The following ERMARD variants were observed in gnomAD, a reference collection of about 807,000 sequenced individuals.
ERMARD encodes ER membrane associated RNA degradation.
A neutral mutation model predicts 83.9 loss-of-function variants in ERMARD; 71 were observed. The observed-to-expected ratio is 0.85, with a 90% CI of 0.70 to 1.03. The LOEUF is 1.03. Ranked by LOEUF, ERMARD falls within the 50% of genes least tolerant of loss-of-function variation. ERMARD has a pLI of 0.00. For synonymous variants in ERMARD, 284 were observed against 298.6 expected (o/e 0.95, Z 0.50); for missense variants, 838 against 810.9 (o/e 1.03, Z -0.41).
Position 169,756,344 on chromosome 6 carries a change from C to T in ERMARD, c.322C>T (p.Pro108Ser). The T allele has an allele frequency of 6.3e-7, 1 of 1,593,808 alleles. No homozygotes were observed. The highest frequency in any genetic ancestry group is 8.6e-7 in the Non-Finnish European group (1 of 1,166,364). Residue 108 changes from proline to serine, a missense_variant, in exon 4 of 18, where the codon CCT becomes TCT. Physicochemically the swap from Pro to Ser is moderately conservative, Grantham distance 74. Transcript: ENST00000366773. The stretch of plus-strand genomic sequence containing the variant: ...TGTGTTTTATTGTAAATAGTTATTT[C>T]CTGAAATATTTGATGCCTTGGAAAG... The part of the protein sequence containing the change: ...FQWTSFPELF[P>S]EIFDALESLQ...
chr6:169,756,937 C>T, intron 5 of ERMARD, 129 bp downstream of exon 5: 2 of 791,566 alleles, frequency 2.5e-6, no homozygotes, highest in Non-Finnish European at 4.1e-6. Context: ...GAGGAGGCCT[C>T]AGAATCATGG....
Position 169,755,283 on chromosome 6 carries a change from A to T in ERMARD, c.176A>T (p.Glu59Val). 6.2e-7 allele frequency: 1 copy of T among 1,613,644 alleles called. No individual in the cohort carries two copies. The highest frequency in any genetic ancestry group is 1.7e-5 in the Admixed American group (1 of 59,888). ...ITDCVSYTESEQGLDYWGSVR... is the reference protein window; with the variant it reads ...ITDCVSYTESVQGLDYWGSVR... ...GAAATTTGTTTTCTTATCCTTTAAGAGCAGGGTCTGGATTACTGGGGAAGC... is the reference window on the plus strand; with the variant it reads ...GAAATTTGTTTTCTTATCCTTTAAGTGCAGGGTCTGGATTACTGGGGAAGC... The change falls in exon 3 of 18, where the codon GAG becomes GTG. Residue 59 changes from glutamate (E) to valine (V), a missense_variant and splice_region_variant. By Grantham distance (121) the Glu-to-Val change is moderately radical. Coordinates refer to ENST00000366773, the MANE Select transcript of ERMARD (RefSeq NM_018341.3).
intron 9 of ERMARD, among the ~76,000 whole-genome samples, chr6:169,764,955 G>A (rs553298981): frequency 2.1e-4 from 32 of 152,304 alleles, no homozygotes; most frequent in Admixed American, 1.4e-3. Context: ...TGCCTTACTC[G>A]TGTGCATTTC....
At chr6:169,777,092 T>C (rs1793695279) in intron 16 of ERMARD, among the ~76,000 whole-genome samples, 2 of 152,192 alleles carry the variant, frequency 1.3e-5, no homozygotes, top group South Asian at 2.1e-4. Context: ...TTGCATTGTT[T>C]TGAGTCTTTG....
chr6:169,773,404 T>TA lies in ERMARD; in HGVS notation c.1317+3dup. Reference sequence around the variant, plus strand: ...CCGGTTTTTCAGCTTAAAAAACAGGTATGCCAAATGCAGGGTCCCGGGAGG... The same window carrying TA: ...CCGGTTTTTCAGCTTAAAAAACAGGTAATGCCAAATGCAGGGTCCCGGGAGG... On this transcript the variant is annotated splice_region_variant and intron_variant, in intron 13 of 17. Transcript: ENST00000366773. 1 of 1,614,094 alleles carries TA rather than the reference T, an allele frequency of 6.2e-7. No individual in the cohort carries two copies. The highest frequency in any genetic ancestry group is 8.5e-7 in the Non-Finnish European group (1 of 1,179,972).
chr6:169,751,666 A>G lies in ERMARD; in HGVS notation c.6+3A>G. On this transcript the variant is annotated splice_donor_region_variant and intron_variant, in intron 1 of 17. Transcript: ENST00000366773. Reference sequence around the variant, plus strand: ...GCGGGGCACCGGAAGTTATGGAGGTAGGGCGGGTGTAGGGCCCGGTTCGAT... The same window carrying G: ...GCGGGGCACCGGAAGTTATGGAGGTGGGGCGGGTGTAGGGCCCGGTTCGAT... The G allele has an allele frequency of 1.3e-6, 2 of 1,557,888 alleles. No individual in the cohort carries two copies. Among genetic ancestry groups the G allele is most frequent in the Non-Finnish European group, 1.7e-6 (2 of 1,150,972 alleles).
rs781250225 is a variant in ERMARD, at chr6:169,775,347, G to C, written c.1394+1G>C. The stretch of plus-strand genomic sequence containing the variant: ...AAGAACTCACTCGGCAAGCCGTCAG[G>C]TGCGTGGCATCCTGGGGCCTGGCTG... On this transcript the variant is annotated splice_donor_variant, in intron 14 of 17. Transcript: ENST00000366773. LOFTEE classifies it high-confidence loss of function. The C allele has an allele frequency of 5.0e-6, 8 of 1,614,060 alleles. No homozygotes were observed. Among genetic ancestry groups the C allele is most frequent in the Admixed American group, 1.7e-5 (1 of 60,028 alleles).
intron 10 of ERMARD, chr6:169,766,988 C>G (rs544085672): frequency 3.9e-6 from 1 of 255,082 alleles, no homozygotes; most frequent in Non-Finnish European, 7.4e-6. Context: ...AAATATTCCC[C>G]GCTACTGTTA....
intron 2 of ERMARD, 85 bp from the exon 3 acceptor site, chr6:169,755,194 TTAAA>T (rs1254238037): frequency 6.8e-6 from 10 of 1,462,406 alleles, no homozygotes; most frequent in African/African-American, 1.4e-5. Context: ...AATTTTATAA[TTAAA>T]GCATTTTTTT....
chr6:169,779,114 T>C, intron 16 of ERMARD, 68 bp from the exon 17 acceptor site: 1 of 1,348,322 alleles, frequency 7.4e-7, no homozygotes, highest in Non-Finnish European at 1.1e-6. Flanking sequence ...GTGAAACATC[T>C]TTTTCCTGAT....
rs1387674710 is a variant in ERMARD at position 169,769,588 on chromosome 6, G to T, written c.1108G>T (p.Asp370Tyr). ...LNHQEGPRIR[D>Y]HLSHGEINLH... is the part of the protein sequence containing the mutation. The stretch of plus-strand genomic sequence containing the variant: ...CCATCAGGAGGGTCCCCGCATAAGA[G>T]ATCATTTAAGCCACGGGGAGATCAA... Residue 370 changes from aspartate to tyrosine, a missense_variant, in exon 12 of 18, where the codon GAT becomes TAT. Transcript: ENST00000366773. 1 of 1,612,564 alleles carries T rather than the reference G, an allele frequency of 6.2e-7. No homozygotes were observed. Among genetic ancestry groups the T allele is most frequent in the Non-Finnish European group, 8.5e-7 (1 of 1,179,396 alleles).
chr6:169,751,678 G>A lies in ERMARD; in HGVS notation c.6+15G>A. The A allele has an allele frequency of 1.3e-6, 2 of 1,552,060 alleles. No individual in the cohort carries two copies. Among genetic ancestry groups the A allele is most frequent in the Non-Finnish European group, 1.7e-6 (2 of 1,148,248 alleles). On this transcript the variant is annotated intron_variant, in intron 1 of 17. Transcript: ENST00000366773. ...AAGTTATGGAGGTAGGGCGGGTGTA[G>A]GGCCCGGTTCGATCCCGAGCTAGGC...
chr6:169,755,710 C>T (rs2128341770), intron 3 of ERMARD: 3 of 339,350 alleles, frequency 8.8e-6, no homozygotes, highest in Admixed American at 9.0e-5. Flanking sequence ...GAAAAATTTA[C>T]TACTCCAGAA....
chr6:169,773,321 A>T lies in ERMARD; in HGVS notation c.1236A>T (p.Glu412Asp). ...VDDCLLSVFK[E>D]KSAVELLISL... Reference sequence around the variant, plus strand: ...AACCACTGTTTTCTCTGCACTAGGAAAAATCAGCCGTAGAATTGTTGATTA... The same window carrying T: ...AACCACTGTTTTCTCTGCACTAGGATAAATCAGCCGTAGAATTGTTGATTA... The change falls in exon 13 of 18, where the codon GAA becomes GAT. Residue 412 changes from glutamate (E) to aspartate (D), a missense_variant and splice_region_variant. Glu to Asp is a conservative substitution (Grantham distance 45). Coordinates refer to ENST00000366773, the MANE Select transcript of ERMARD (RefSeq NM_018341.3). 6.2e-7 allele frequency: 1 copy of T among 1,614,008 alleles called. No homozygotes were observed. The highest frequency in any genetic ancestry group is 8.5e-7 in the Non-Finnish European group (1 of 1,179,894).
Position 169,751,832 on chromosome 6 carries a change from A to T in ERMARD, c.6+169A>T, listed in dbSNP as rs1790140008. ...TCGCGGCCCTGGCCTCTGTGGCGGT[A>T]TCGGACGCTCGGCCCTGCAAGACGC... On this transcript the variant is annotated intron_variant, in intron 1 of 17. Coordinates refer to ENST00000366773, the MANE Select transcript of ERMARD (RefSeq NM_018341.3). 3.9e-6 allele frequency: 4 copies of T among 1,030,292 alleles called. No homozygotes were observed. The East Asian group carries it at 1.3e-4, about 34-fold the overall frequency. 63.8% of individuals were successfully genotyped at this position (1,030,292 alleles called of 1,614,324 possible).
At chr6:169,751,776 G>A in intron 1 of ERMARD, 113 bp downstream of exon 1, 4 of 1,388,236 alleles carry the variant, frequency 2.9e-6, no homozygotes, top group East Asian at 2.9e-5. Flanking sequence ...TGCGGTGGCC[G>A]GCGGTCCCGC....
At position 169,769,623 on chromosome 6, in the gene ERMARD, AT is replaced by A; in HGVS notation, c.1147del (p.Ser383GlnfsTer34). 6.2e-7 allele frequency: 1 copy of A among 1,613,462 alleles called. No individual in the cohort carries two copies. The highest frequency in any genetic ancestry group is 8.5e-7 in the Non-Finnish European group (1 of 1,179,762). ...GCCACGGGGAGATCAACTTACATGAATTTTCAAAAGAAACAACTAATCAGTT... is the reference window on the plus strand; with the variant it reads ...GCCACGGGGAGATCAACTTACATGAATTTCAAAAGAAACAACTAATCAGTT... ...LSHGEINLHEFSKETTNQLLA... is the reference protein window; with the variant it reads ...LSHGEINLHEXSKETTNQLLA... On this transcript the variant is annotated frameshift_variant, in exon 12 of 18. Coordinates refer to ENST00000366773, the MANE Select transcript of ERMARD (RefSeq NM_018341.3). LOFTEE classifies it high-confidence loss of function.
chr6:169,761,309 TG>T (rs1203842964), intron 8 of ERMARD, among the ~76,000 whole-genome samples: 2 of 152,186 alleles, frequency 1.3e-5, no homozygotes, highest in Non-Finnish European at 2.9e-5. Context: ...CTTGAACTCC[TG>T]GGCTCAAGCA....
Position 169,774,972 on chromosome 6 carries a change from C to T in ERMARD, c.1318-298C>T, listed in dbSNP as rs192653622. Among the ~76,000 whole-genome samples, 662 of 152,296 alleles carry T rather than the reference C, an allele frequency of 4.3e-3. 6 individuals are homozygous for T. Among genetic ancestry groups the T allele is most frequent in the African/African-American group, 0.015 (632 of 41,558 alleles). ...TGTGTTCTGTTGGTTCCAGGCCAGTCGCCAGAGCTCGTGCAGATTTGGTGG... is the reference window on the plus strand; with the variant it reads ...TGTGTTCTGTTGGTTCCAGGCCAGTTGCCAGAGCTCGTGCAGATTTGGTGG... On this transcript the variant is annotated intron_variant, in intron 13 of 17. Transcript: ENST00000366773.
Sources: allele counts gnomAD v4.1 joint callset (sites outside exome capture counted in the v4.1 genomes callset), GRCh38; gene constraint gnomAD v4.1.1; transcripts MANE v1.5; gene names NCBI Gene and HGNC (gene_info 2026-07-23, HGNC 2026-07-21).